Variants in PSMA2 observed in about 807,000 individuals in gnomAD.
The protein encoded by PSMA2 is proteasome subunit alpha type-2.
A neutral mutation model predicts 35.9 loss-of-function variants in PSMA2; 2 were observed. The ratio of observed to expected loss-of-function variants is 0.06; its 90% CI spans 0.02 to 0.18. PSMA2 has a LOEUF of 0.18. Ranked by LOEUF, PSMA2 falls within the 10% of genes least tolerant of loss-of-function variation. The pLI is 1.00. For synonymous variants in PSMA2, 97 were observed against 98.2 expected (o/e 0.99, Z 0.07); for missense variants, 126 against 278.8 (o/e 0.45, Z 3.90).
chr7:42,919,984 C>G, intron 6 of PSMA2: 1 of 734,000 alleles, frequency 1.4e-6, no homozygotes, highest in Non-Finnish European at 2.6e-6. Flanking sequence ...TACTGGTGAG[C>G]TGGCAAAGCC....
intron 5 of PSMA2, among the ~76,000 whole-genome samples, chr7:42,922,430 G>T (rs1786140746): frequency 6.6e-6 from 1 of 152,018 alleles, no homozygotes; most frequent in Non-Finnish European, 1.5e-5. Context: ...AATACCAAAA[G>T]AAACATAATC....
chr7:42,928,861 T>C (rs1303481897), intron 1 of PSMA2, among the ~76,000 whole-genome samples: 1 of 152,196 alleles, frequency 6.6e-6, no homozygotes, highest in East Asian at 1.9e-4. Context: ...ACTCCTTTCA[T>C]TCAATCATGT....
chr7:42,931,867 C>A (rs569106989), intron 1 of PSMA2, among the ~76,000 whole-genome samples: 3 of 149,446 alleles, frequency 2.0e-5, no homozygotes, highest in Non-Finnish European at 4.4e-5. Context: ...TGGCTATGTG[C>A]CTCACCGTCC....
At chr7:42,926,442 G>T (rs1786218453) in intron 3 of PSMA2, 94 bp downstream of exon 3, 3 of 1,380,580 alleles carry the variant, frequency 2.2e-6, no homozygotes, top group South Asian at 1.7e-5. Context: ...GGAACTGGAA[G>T]ATTAAAGGAA....
At chr7:42,930,856 G>A (rs1030972362) in intron 1 of PSMA2, among the ~76,000 whole-genome samples, 52 of 152,092 alleles carry the variant, frequency 3.4e-4, no homozygotes, top group African/African-American at 1.1e-3. Context: ...TTCATAAATA[G>A]GAACAGTGAA....
rs1786268972 is a variant in PSMA2 at position 42,929,838 on chromosome 7, A to T, written c.41+2280T>A. ...AGAGCTCAAGCTCCTTCCCAGTTTC[A>T]GGGCTTTCATACATGCTGTTCCCTC... On this transcript the variant is annotated intron_variant, in intron 1 of 7. Coordinates refer to ENST00000223321, the MANE Select transcript of PSMA2 (RefSeq NM_002787.5). 3.9e-5 allele frequency among the ~76,000 whole-genome samples: 6 copies of T among 152,158 alleles called. No individual in the cohort carries two copies. The South Asian group carries it at 1.2e-3, about 31-fold the overall frequency.
chr7:42,927,130 G>A (rs200904732), intron 2 of PSMA2, among the ~76,000 whole-genome samples: 1 of 152,094 alleles, frequency 6.6e-6, no homozygotes, highest in South Asian at 2.1e-4. Flanking sequence ...AACAAAAAAA[G>A]AACTCAGTTT....
chr7:42,923,370 A>G lies in PSMA2; in HGVS notation c.411T>C (p.Cys137=), dbSNP rs747420172. Residue 137 remains cysteine, a synonymous_variant, in exon 5 of 8, where the codon TGT becomes TGC. Coordinates refer to ENST00000223321, the MANE Select transcript of PSMA2 (RefSeq NM_002787.5). ...AATATGGTCGTCCCTCATTCCAACC[A>G]CAAATAAGTAAAGAAACTCCAAATG... ...VRPFGVSLLI[C]GWNEGRPYLF... is the part of the protein sequence containing the mutation. 1 of 1,612,872 alleles carries G rather than the reference A, an allele frequency of 6.2e-7. No homozygotes were observed. The highest frequency in any genetic ancestry group is 8.5e-7 in the Non-Finnish European group (1 of 1,179,098).
intron 7 of PSMA2, 23 bp from the exon 8 acceptor site, chr7:42,917,713 G>C (rs1295221134): frequency 6.2e-7 from 1 of 1,611,176 alleles, no homozygotes; most frequent in South Asian, 1.1e-5. Context: ...GAGGAAAAAA[G>C]GTCAATTTTC....
intron 5 of PSMA2, 147 bp downstream of exon 5, chr7:42,923,178 A>C: frequency 1.6e-6 from 1 of 628,352 alleles, no homozygotes; most frequent in East Asian, 2.9e-5. Flanking sequence ...AAATATACAC[A>C]CAAAAATGCA....
In PSMA2 at chr7:42,917,913, G is replaced by C. The variant is rs563024078; in HGVS notation, c.531-78C>G. 4.3e-4 allele frequency: 459 copies of C among 1,061,458 alleles called. 1 individual carries two copies. The highest frequency in any genetic ancestry group is 5.8e-4 in the South Asian group (36 of 61,838). The allele number at this position is 1,061,458 out of a possible 1,614,324, so 65.8% of individuals were successfully genotyped here. A position where few individuals can be genotyped will look rare whatever the true frequency, so the allele number is the denominator to read the frequency against. ...ATTTAAATACAATGACAGCAACAAC[G>C]TAAGTTTTTAAAACTCTAAACATCT... is the stretch of plus-strand genomic sequence containing the variant. On this transcript the variant is annotated intron_variant, in intron 6 of 7. Coordinates refer to ENST00000223321, the MANE Select transcript of PSMA2 (RefSeq NM_002787.5).
intron 3 of PSMA2, among the ~76,000 whole-genome samples, chr7:42,926,246 T>C (rs970844432): frequency 2.0e-5 from 3 of 152,254 alleles, no homozygotes; most frequent in Non-Finnish European, 2.9e-5. Flanking sequence ...TTACGCCCAG[T>C]TCCTGGATAG....
At chr7:42,923,983 A>G (rs1240543814) in intron 4 of PSMA2, among the ~76,000 whole-genome samples, 1 of 152,212 alleles carries the variant, frequency 6.6e-6, no homozygotes, top group Non-Finnish European at 1.5e-5. Flanking sequence ...AACTTAAGAA[A>G]CTGGGGAATG....
intron 5 of PSMA2, among the ~76,000 whole-genome samples, chr7:42,922,356 C>A (rs1274509116): frequency 6.6e-6 from 1 of 151,968 alleles, no homozygotes; most frequent in East Asian, 1.9e-4. Flanking sequence ...TCATATAAAT[C>A]TGAAAAATGG....
At position 42,919,308 on chromosome 7, in the gene PSMA2, A is replaced by G. The variant is rs1352801589; in HGVS notation, c.531-1473T>C. On this transcript the variant is annotated intron_variant, in intron 6 of 7. Coordinates refer to ENST00000223321, the MANE Select transcript of PSMA2 (RefSeq NM_002787.5). ...CAGATTTCACAAAGTGTGGGATGCT[A>G]TCCCAGGAGATGAACTGATGACCCT... is the stretch of plus-strand genomic sequence containing the variant. The G allele has an allele frequency of 2.3e-5, 14 of 599,966 alleles. 1 individual carries two copies. Among genetic ancestry groups the G allele is most frequent in the South Asian group, 1.9e-4 (14 of 72,304 alleles). The allele number at this position is 599,966 out of a possible 1,614,324, so 37.2% of individuals were successfully genotyped here. A position where few individuals can be genotyped will look rare whatever the true frequency, so the allele number is the denominator to read the frequency against.
At chr7:42,925,270 T>G (rs1052873674) in intron 3 of PSMA2, among the ~76,000 whole-genome samples, 1 of 152,172 alleles carries the variant, frequency 6.6e-6, no homozygotes, top group Non-Finnish European at 1.5e-5. Context: ...AAACTACTTG[T>G]AACTAAAAAT....
intron 6 of PSMA2, chr7:42,919,786 A>G (rs192506823): frequency 1.4e-4 from 95 of 665,932 alleles, no homozygotes; most frequent in East Asian, 8.4e-4. Flanking sequence ...TGTTAAACTT[A>G]TAAGTATGAT....
At position 42,926,617 on chromosome 7, in the gene PSMA2, T is replaced by C; in HGVS notation, c.170A>G (p.Tyr57Cys). 1.2e-6 allele frequency: 2 copies of C among 1,612,630 alleles called. No homozygotes were observed. Among genetic ancestry groups the C allele is most frequent in the Non-Finnish European group, 1.7e-6 (2 of 1,179,558 alleles). ...TACTTTGTGTACACTTCGCTCATCA[T>C]ACAGAATGGATTTCTGTTTTTTCTC... ...ATEKKQKSIL[Y>C]DERSVHKVEP... The change falls in exon 3 of 8, where the codon TAT becomes TGT. Residue 57 changes from tyrosine (Y) to cysteine (C), a missense_variant. Tyr to Cys is a radical substitution (Grantham distance 194, BLOSUM62 -2). Coordinates refer to ENST00000223321, the MANE Select transcript of PSMA2 (RefSeq NM_002787.5).
intron 5 of PSMA2, among the ~76,000 whole-genome samples, 161 bp downstream of exon 5, chr7:42,923,164 T>C (rs1786153455): frequency 6.6e-6 from 1 of 152,228 alleles, no homozygotes; most frequent in Middle Eastern, 3.2e-3. Flanking sequence ...ATTACCAAAA[T>C]TTTAAATATA....
Sources: allele counts gnomAD v4.1 joint callset (sites outside exome capture counted in the v4.1 genomes callset), GRCh38; gene constraint gnomAD v4.1.1; transcripts MANE v1.5; gene names NCBI Gene and HGNC (gene_info 2026-07-23, HGNC 2026-07-21).